The following MCPH1 variants were observed in gnomAD, a reference collection of about 807,000 sequenced individuals.
The protein encoded by MCPH1 is microcephalin.
MCPH1 carries 104 observed loss-of-function variants against 84.5 expected under a neutral mutation model. The ratio of observed to expected loss-of-function variants is 1.23; its 90% CI spans 1.05 to 1.45. The LOEUF (loss-of-function observed/expected upper bound fraction) is 1.45, where lower values mean the gene tolerates loss of function less well. Ranked by LOEUF, MCPH1 falls within the 40% of genes most tolerant of loss-of-function variation. MCPH1 has a pLI of 0.00. For missense variants in MCPH1, 1,498 were observed against 1,005.7 expected (o/e 1.49, Z -6.62); for synonymous variants, 514 against 366.8 (o/e 1.40, Z -4.58).
At chr8:6,527,563 A>T (rs369471976) in intron 12 of MCPH1, 1 of 1,613,738 alleles carries the variant, frequency 6.2e-7, no homozygotes, top group South Asian at 1.1e-5. Flanking sequence ...ACCTGTTCTT[A>T]TCTTGCAATT....
At chr8:6,485,158 C>T (rs927921845) in intron 11 of MCPH1, among the ~76,000 whole-genome samples, 1 of 152,042 alleles carries the variant, frequency 6.6e-6, no homozygotes, top group African/African-American at 2.4e-5. Flanking sequence ...AACTCCGTCT[C>T]TACTAAAAAT....
chr8:6,411,536 A>G (rs1362254654), intron 2 of MCPH1, among the ~76,000 whole-genome samples: 1 of 152,196 alleles, frequency 6.6e-6, no homozygotes, highest in Non-Finnish European at 1.5e-5. Context: ...GGAAAGGAAG[A>G]AAATTGTGTG....
intron 5 of MCPH1, among the ~76,000 whole-genome samples, 167 bp from the exon 6 acceptor site, chr8:6,438,786 T>C (rs1803046263): frequency 6.6e-6 from 1 of 152,172 alleles, no homozygotes; most frequent in African/African-American, 2.4e-5. Flanking sequence ...AGCAGCAACA[T>C]CACTGCCTGT....
chr8:6,430,223 G>A (rs760092492), intron 3 of MCPH1, among the ~76,000 whole-genome samples: 20 of 152,154 alleles, frequency 1.3e-4, no homozygotes, highest in Non-Finnish European at 2.1e-4. Flanking sequence ...ACTGCACTGT[G>A]TTCTTTTTTA....
chr8:6,543,712 A>G lies in MCPH1; in HGVS notation c.2214+43783A>G, dbSNP rs187330267. Among the ~76,000 whole-genome samples the G allele has an allele frequency of 2.3e-3, 346 of 152,142 alleles. 3 individuals are homozygous for G. Among genetic ancestry groups the G allele is most frequent in the African/African-American group, 8.1e-3 (336 of 41,486 alleles). ...TCTGAACTATTTAGGAAGATAATCT[A>G]CCCCTTGTATTGGATGAGATGATCT... On this transcript the variant is annotated intron_variant, in intron 12 of 13. Coordinates refer to ENST00000344683, the MANE Select transcript of MCPH1 (RefSeq NM_024596.5).
At chr8:6,563,043 G>A (rs1825799484) in intron 12 of MCPH1, 2 of 1,255,928 alleles carry the variant, frequency 1.6e-6, no homozygotes, top group South Asian at 1.6e-5. Flanking sequence ...TGCCATGGCT[G>A]GGTCCGTCAA....
chr8:6,583,282 G>T (rs1054290391), intron 12 of MCPH1, among the ~76,000 whole-genome samples: 5 of 151,678 alleles, frequency 3.3e-5, no homozygotes, highest in African/African-American at 1.2e-4. Flanking sequence ...CGAGATACAT[G>T]TGCAGAACGT....
chr8:6,545,291 A>T lies in MCPH1; in HGVS notation c.2214+45362A>T, dbSNP rs557545136. Among the ~76,000 whole-genome samples, 18 of 152,332 alleles carry T rather than the reference A, an allele frequency of 1.2e-4. No individual in the cohort carries two copies. The South Asian group carries it at 3.7e-3, about 32-fold the overall frequency. ...GTTACATGAGTGAATCCATATTTTT[A>T]AAAGTTATCAAGCTGTAAATTTCAG... On this transcript the variant is annotated intron_variant, in intron 12 of 13. Transcript: ENST00000344683.
At chr8:6,432,105 A>G (rs1033073806) in intron 4 of MCPH1, among the ~76,000 whole-genome samples, 1 of 152,216 alleles carries the variant, frequency 6.6e-6, no homozygotes, top group Non-Finnish European at 1.5e-5. Flanking sequence ...TAGTATTTGC[A>G]TGTAACCTAC....
intron 12 of MCPH1, among the ~76,000 whole-genome samples, chr8:6,588,788 G>A (rs905703270): frequency 2.6e-5 from 4 of 152,186 alleles, no homozygotes; most frequent in Non-Finnish European, 5.9e-5. Context: ...TCTCCTCTCT[G>A]CCCAGGTCTC....
chr8:6,463,085 G>A (rs1422361557), intron 9 of MCPH1, among the ~76,000 whole-genome samples: 2 of 152,206 alleles, frequency 1.3e-5, no homozygotes, highest in East Asian at 1.9e-4. Context: ...TGGGCAGGGG[G>A]TGAGTATAGG....
chr8:6,583,624 G>A (rs1425057431), intron 12 of MCPH1, among the ~76,000 whole-genome samples: 1 of 152,204 alleles, frequency 6.6e-6, no homozygotes, highest in Non-Finnish European at 1.5e-5. Flanking sequence ...AGTGCCCAAG[G>A]GAGGAGCTGG....
At position 6,480,772 on chromosome 8, in the gene MCPH1, G is replaced by C; in HGVS notation, c.2032G>C (p.Asp678His). Residue 678 changes from aspartate to histidine, a missense_variant, in exon 11 of 14, where the codon GAC (aspartate) becomes CAC (histidine). Transcript: ENST00000344683. ...ATTGAAAGGCTTTTCAATTGCACCA[G>C]ACGTCTGTGAGACCACGACTCACGT... is the stretch of plus-strand genomic sequence containing the variant. The part of the protein sequence containing the change: ...DKLKGFSIAP[D>H]VCETTTHVLS... 2 of 1,614,190 alleles carry C rather than the reference G, an allele frequency of 1.2e-6. No individual in the cohort carries two copies. Among genetic ancestry groups the C allele is most frequent in the Non-Finnish European group, 1.7e-6 (2 of 1,180,034 alleles).
intron 3 of MCPH1, among the ~76,000 whole-genome samples, chr8:6,420,174 C>G (rs561589918): frequency 1.3e-5 from 2 of 152,104 alleles, no homozygotes; most frequent in East Asian, 1.9e-4. Flanking sequence ...CCACTCCCCC[C>G]AGAACTGATG....
At chr8:6,605,838 C>T (rs182079977) in intron 12 of MCPH1, among the ~76,000 whole-genome samples, 1 of 152,292 alleles carries the variant, frequency 6.6e-6, no homozygotes, top group Non-Finnish European at 1.5e-5. Context: ...GCTGGGATTA[C>T]AGGTGTTTGC....
chr8:6,429,263 G>A (rs959089173), intron 3 of MCPH1, among the ~76,000 whole-genome samples: 40 of 152,164 alleles, frequency 2.6e-4, no homozygotes, highest in African/African-American at 9.4e-4. Flanking sequence ...TTTGAGTCCA[G>A]AGCTTCTCAG....
In MCPH1 at chr8:6,444,749, C is replaced by G; in HGVS notation, c.1027C>G (p.Leu343Val). 1 of 1,614,054 alleles carries G rather than the reference C, an allele frequency of 6.2e-7. No individual in the cohort carries two copies. The highest frequency in any genetic ancestry group is 8.5e-7 in the Non-Finnish European group (1 of 1,179,996). ...TACCTTATCTTCAACAAAAGGCCAC[C>G]TTTTGATACATTCAAGACCCAGGAG... ...SPTLSSTKGH[L>V]LIHSRPRSSS... Residue 343 changes from leucine to valine, a missense_variant, in exon 8 of 14, where the codon CTT becomes GTT. Physicochemically the swap from Leu to Val is conservative, Grantham distance 32. Transcript: ENST00000344683.
chr8:6,540,073 G>T (rs1821263217), intron 12 of MCPH1, among the ~76,000 whole-genome samples: 1 of 152,198 alleles, frequency 6.6e-6, no homozygotes, highest in Admixed American at 6.5e-5. Flanking sequence ...CTCTCCTCCT[G>T]TGGATAGGTA....
chr8:6,509,166 G>T (rs1814415571), intron 12 of MCPH1: 33 of 1,448,890 alleles, frequency 2.3e-5, no homozygotes, highest in Non-Finnish European at 3.1e-5. Context: ...AGCGTGTTCT[G>T]TACTCGTTAA....
Sources: gnomAD v4.1 joint callset for allele counts (sites outside exome capture counted in the v4.1 genomes callset) on GRCh38, gnomAD v4.1.1 for gene constraint, MANE v1.5 for transcripts, NCBI Gene and HGNC (gene_info 2026-07-23, HGNC 2026-07-21) for gene names.